The following INPP4B variants were observed in gnomAD, a reference collection of about 807,000 sequenced individuals.
INPP4B encodes the protein inositol polyphosphate-4-phosphatase type II B, also known as inositol polyphosphate 4-phosphatase type II.
INPP4B carries 55 observed loss-of-function variants against 122.5 expected under a neutral mutation model. The ratio of observed to expected loss-of-function variants is 0.45; its 90% CI spans 0.36 to 0.56. The LOEUF (loss-of-function observed/expected upper bound fraction) is 0.56, where lower values mean the gene tolerates loss of function less well. Ranked by LOEUF, INPP4B falls within the 20% of genes least tolerant of loss-of-function variation. INPP4B has a pLI of 0.00. For synonymous variants in INPP4B, 403 were observed against 388.7 expected, an observed-to-expected ratio of 1.04 and a Z score of -0.43; for missense variants, 1,000 against 1,097.7, an observed-to-expected ratio of 0.91 and a Z score of 1.26.
At chr4:142,409,839 TGAC>T (rs1425782409) in intron 5 of INPP4B, among the ~76,000 whole-genome samples, 2 of 152,208 alleles carry the variant, frequency 1.3e-5, no homozygotes, top group East Asian at 3.9e-4. Context: ...ATTCTAGTCT[TGAC>T]GCTTACAGCT....
intron 7 of INPP4B, among the ~76,000 whole-genome samples, chr4:142,378,064 T>C (rs1260699040): frequency 6.6e-6 from 1 of 152,176 alleles, no homozygotes; most frequent in Non-Finnish European, 1.5e-5. Flanking sequence ...ACTACTATTG[T>C]ATTTCCTGTT....
At chr4:142,378,041 T>A (rs1792665784) in intron 7 of INPP4B, among the ~76,000 whole-genome samples, 1 of 152,152 alleles carries the variant, frequency 6.6e-6, no homozygotes, top group Non-Finnish European at 1.5e-5. Flanking sequence ...TAGTAAATAA[T>A]GCTGATAATT....
At chr4:142,520,148 T>A (rs1221538170) in intron 2 of INPP4B, among the ~76,000 whole-genome samples, 1 of 152,036 alleles carries the variant, frequency 6.6e-6, no homozygotes, top group Non-Finnish European at 1.5e-5. Context: ...ATGAAACAGC[T>A]TTTAGAGCGG....
At chr4:142,153,333 A>C (rs1815381609) in intron 17 of INPP4B, among the ~76,000 whole-genome samples, 1 of 152,164 alleles carries the variant, frequency 6.6e-6, no homozygotes. Flanking sequence ...TATTTACCAT[A>C]GTGTTTCCTT....
rs576766082 is a variant in INPP4B, at chr4:142,370,335, G to T, written c.372+32603C>A. Among the ~76,000 whole-genome samples, 24 of 152,158 alleles carry T rather than the reference G, an allele frequency of 1.6e-4. No individual in the cohort carries two copies. In the South Asian group the frequency reaches 5.0e-3, roughly 32 times the overall value. Reference sequence around the variant, plus strand: ...AATAAATCTCTGTGGAGATTGTCTGGAGTCCTAAAACTACTTTAGATTTTC... The same window carrying T: ...AATAAATCTCTGTGGAGATTGTCTGTAGTCCTAAAACTACTTTAGATTTTC... On this transcript the variant is annotated intron_variant, in intron 7 of 25. Coordinates refer to ENST00000262992, the MANE Select transcript of INPP4B (RefSeq NM_001101669.3).
At chr4:142,627,112 T>A (rs935002316) in intron 2 of INPP4B, among the ~76,000 whole-genome samples, 4 of 152,130 alleles carry the variant, frequency 2.6e-5, no homozygotes, top group African/African-American at 9.7e-5. Context: ...CCAGTCTCAG[T>A]ACCTCTGTGC....
At chr4:142,748,353 C>T (rs1460573439) in intron 1 of INPP4B, among the ~76,000 whole-genome samples, 1 of 151,374 alleles carries the variant, frequency 6.6e-6, no homozygotes, top group South Asian at 2.1e-4. Flanking sequence ...AATTTGAACC[C>T]AAAGTAAGGA....
In INPP4B at chr4:142,112,608, T is replaced by C. The variant is rs1434042636; in HGVS notation, c.2210A>G (p.Gln737Arg). Reference sequence around the variant, plus strand: ...AAGTACTGGATACACATGAAGCAACTGTCCTTCTTTAATCTGTAGAGGTAG... The same window carrying C: ...AAGTACTGGATACACATGAAGCAACCGTCCTTCTTTAATCTGTAGAGGTAG... ...ESLPLQIKEG[Q>R]LLHVYPVLFN... The change falls in exon 22 of 26, where the codon CAG becomes CGG. Residue 737 changes from glutamine to arginine, a missense_variant. Transcript: ENST00000262992. 2 of 1,613,154 alleles carry C rather than the reference T, an allele frequency of 1.2e-6. No homozygotes were observed. The highest frequency in any genetic ancestry group is 1.7e-5 in the Admixed American group (1 of 59,930).
At chr4:142,244,556 G>C (rs1726923952) in intron 11 of INPP4B, among the ~76,000 whole-genome samples, 1 of 151,986 alleles carries the variant, frequency 6.6e-6, no homozygotes, top group Non-Finnish European at 1.5e-5. Flanking sequence ...ACCTGCCTCA[G>C]CCTCCCAAAG....
intron 2 of INPP4B, among the ~76,000 whole-genome samples, chr4:142,649,224 C>T (rs572006357): frequency 1.7e-4 from 26 of 152,338 alleles, no homozygotes; most frequent in Middle Eastern, 6.8e-3. Context: ...AGGTCACCAA[C>T]ATCAAAGACC....
chr4:142,705,292 G>T (rs1205565096), intron 2 of INPP4B, among the ~76,000 whole-genome samples: 1 of 152,046 alleles, frequency 6.6e-6, no homozygotes, highest in Non-Finnish European at 1.5e-5. Flanking sequence ...CACTTGCGTG[G>T]GCTTTCAATC....
At chr4:142,125,703 T>C (rs116080473) in intron 18 of INPP4B, among the ~76,000 whole-genome samples, 248 of 152,176 alleles carry the variant, frequency 1.6e-3, no homozygotes, top group African/African-American at 5.7e-3. Flanking sequence ...GAAGATTGGG[T>C]TGAGCTGACT....
chr4:142,144,651 G>A (rs946121762), intron 18 of INPP4B, among the ~76,000 whole-genome samples: 10 of 152,070 alleles, frequency 6.6e-5, no homozygotes, highest in Non-Finnish European at 5.9e-5. Flanking sequence ...GATCAAGTAA[G>A]TGTGAACATA....
intron 2 of INPP4B, among the ~76,000 whole-genome samples, chr4:142,637,897 G>A (rs2150460613): frequency 6.6e-6 from 1 of 152,286 alleles, no homozygotes; most frequent in Non-Finnish European, 1.5e-5. Context: ...ATTCAAAAAG[G>A]TGTGTAGTGG....
intron 15 of INPP4B, among the ~76,000 whole-genome samples, chr4:142,181,431 C>T (rs1830696709): frequency 6.6e-6 from 1 of 152,094 alleles, no homozygotes; most frequent in Non-Finnish European, 1.5e-5. Context: ...ATAAATATAA[C>T]TGTATTTATC....
intron 22 of INPP4B, among the ~76,000 whole-genome samples, chr4:142,110,802 C>T (rs1472017204): frequency 6.6e-6 from 1 of 152,122 alleles, no homozygotes; most frequent in East Asian, 1.9e-4. Context: ...CTAAAACAAT[C>T]ACAATAACAT....
chr4:142,028,853 T>C lies in INPP4B; in HGVS notation c.2704A>G (p.Met902Val), dbSNP rs756416686. 1.2e-6 allele frequency: 2 copies of C among 1,613,634 alleles called. No individual in the cohort carries two copies. Among genetic ancestry groups the C allele is most frequent in the African/African-American group, 1.3e-5 (1 of 75,038 alleles). Residue 902 changes from methionine (M) to valine (V), a missense_variant, in exon 26 of 26, where the codon ATG (methionine) becomes GTG (valine). Physicochemically the swap from Met to Val is conservative, Grantham distance 21. Coordinates refer to ENST00000262992, the MANE Select transcript of INPP4B (RefSeq NM_001101669.3). The part of the protein sequence containing the change: ...NIKCRKYAFN[M>V]LQLMAFPKYY... ...TTGGGGAAAGCCATCAGCTGTAGCATGTTGAAAGCATACTTTCTGCATTTG... is the reference window on the plus strand; with the variant it reads ...TTGGGGAAAGCCATCAGCTGTAGCACGTTGAAAGCATACTTTCTGCATTTG...
intron 2 of INPP4B, among the ~76,000 whole-genome samples, chr4:142,632,046 C>G (rs914267398): frequency 6.6e-6 from 1 of 152,088 alleles, no homozygotes; most frequent in East Asian, 1.9e-4. Flanking sequence ...TTGTCATTCT[C>G]TCAAACAGAC....
rs140843663 is a variant in INPP4B at position 142,367,141 on chromosome 4, C to T, written c.372+35797G>A. Among the ~76,000 whole-genome samples the T allele has an allele frequency of 8.8e-3, 1,336 of 151,312 alleles. 24 individuals carry two copies. Among genetic ancestry groups the T allele is most frequent in the African/African-American group, 0.031 (1,261 of 41,294 alleles). On this transcript the variant is annotated intron_variant, in intron 7 of 25. Transcript: ENST00000262992. ...AGAGGAAAGCAGCCAATCCCAGAAC[C>T]TCAGCAGGGGTGGGGGCTATAAATA...
Sources: allele counts gnomAD v4.1 joint callset (sites outside exome capture counted in the v4.1 genomes callset), GRCh38; gene constraint gnomAD v4.1.1; transcripts MANE v1.5; gene names NCBI Gene and HGNC (gene_info 2026-07-23, HGNC 2026-07-21).